RUNX2: variants seen among roughly 807,000 people sequenced by gnomAD.
The protein encoded by RUNX2 is RUNX family transcription factor 2.
A neutral mutation model predicts 51.7 loss-of-function variants in RUNX2; 10 were observed. That is an observed-to-expected ratio of 0.19 (90% CI 0.12 to 0.33). The LOEUF (loss-of-function observed/expected upper bound fraction) is 0.33. Ranked by LOEUF, RUNX2 falls within the 10% of genes least tolerant of loss-of-function variation. RUNX2 has a pLI of 1.00. For missense variants in RUNX2, 562 were observed against 691.3 expected (o/e 0.81, Z 2.10); for synonymous variants, 276 against 273.6 (o/e 1.01, Z -0.09).
chr6:45,439,824 G>T (rs145114620), intron 5 of RUNX2, among the ~76,000 whole-genome samples: 145 of 152,234 alleles, frequency 9.5e-4, no homozygotes, highest in Middle Eastern at 6.8e-3. Flanking sequence ...GAGAAGGCAG[G>T]GTAGCTTTGG....
chr6:45,342,661 CT>C (rs892540367), intron 2 of RUNX2, among the ~76,000 whole-genome samples: 8 of 150,986 alleles, frequency 5.3e-5, no homozygotes, highest in South Asian at 2.1e-4. Flanking sequence ...TTTTGGAAGC[CT>C]TTTTTTTTAT....
At chr6:45,408,963 T>C (rs1456422866) in intron 2 of RUNX2, among the ~76,000 whole-genome samples, 1 of 152,240 alleles carries the variant, frequency 6.6e-6, no homozygotes, top group East Asian at 1.9e-4. Flanking sequence ...GATATATGTT[T>C]ACTGTATGAA....
chr6:45,502,647 C>T (rs1311597574), intron 6 of RUNX2, among the ~76,000 whole-genome samples: 1 of 152,158 alleles, frequency 6.6e-6, no homozygotes, highest in Non-Finnish European at 1.5e-5. Flanking sequence ...AGCCTGAGTG[C>T]AGCCCCTGGA....
chr6:45,537,461 T>C (rs1563129531), intron 7 of RUNX2, among the ~76,000 whole-genome samples: 1 of 152,178 alleles, frequency 6.6e-6, no homozygotes, highest in Non-Finnish European at 1.5e-5. Context: ...TTTTTTGAGC[T>C]TGAGTTTGCC....
intron 5 of RUNX2, among the ~76,000 whole-genome samples, chr6:45,480,186 T>A (rs1413712847): frequency 6.6e-6 from 1 of 152,216 alleles, no homozygotes; most frequent in Non-Finnish European, 1.5e-5. Context: ...AGTGGATGGA[T>A]AGGTGGATAA....
intron 5 of RUNX2, 128 bp downstream of exon 5, chr6:45,438,179 AT>A (rs1798743899): frequency 5.2e-4 from 352 of 672,938 alleles, no homozygotes; most frequent in Non-Finnish European, 6.0e-4. Flanking sequence ...ATCTGCATAT[AT>A]TTTTTTTAGT....
chr6:45,547,315 G>T lies in RUNX2; in HGVS notation c.*10G>T. The T allele has an allele frequency of 6.2e-7, 1 of 1,606,580 alleles. No individual in the cohort carries two copies. Among genetic ancestry groups the T allele is most frequent in the Non-Finnish European group, 8.5e-7 (1 of 1,173,440 alleles). ...TTGGCGACCATATTGAAATTCCTCA[G>T]CAGTGGCCCAGTGGTATCTGGGGGC... On this transcript the variant is annotated 3_prime_UTR_variant, in exon 9 of 9. Coordinates refer to ENST00000647337, the MANE Select transcript of RUNX2 (RefSeq NM_001024630.4).
intron 4 of RUNX2, among the ~76,000 whole-genome samples, chr6:45,433,377 G>A (rs1239458205): frequency 2.0e-5 from 3 of 152,078 alleles, no homozygotes; most frequent in Non-Finnish European, 4.4e-5. Flanking sequence ...TACTTATGCA[G>A]GTCCACTATG....
chr6:45,369,539 T>C (rs1212522812), intron 2 of RUNX2, among the ~76,000 whole-genome samples: 3 of 152,110 alleles, frequency 2.0e-5, no homozygotes, highest in Non-Finnish European at 4.4e-5. Context: ...AATAAAAAGC[T>C]ATCATTTAGT....
At chr6:45,515,059 G>A (rs894840767) in intron 7 of RUNX2, among the ~76,000 whole-genome samples, 8 of 151,938 alleles carry the variant, frequency 5.3e-5, no homozygotes, top group Non-Finnish European at 1.0e-4. Flanking sequence ...AACGCGGACA[G>A]CTAAAAATAC....
intron 2 of RUNX2, among the ~76,000 whole-genome samples, chr6:45,352,607 C>T (rs1563006148): frequency 6.6e-6 from 1 of 152,054 alleles, no homozygotes. Flanking sequence ...TTTTATGCTT[C>T]TATGATTCAC....
rs540384402 is a variant in RUNX2, at chr6:45,452,407, A to G, written c.685+14356A>G. 1.2e-4 allele frequency among the ~76,000 whole-genome samples: 19 copies of G among 152,358 alleles called. No homozygotes were observed. The East Asian group carries it at 3.7e-3, about 29-fold the overall frequency. Reference sequence around the variant, plus strand: ...CAAGTCTGAGAAAGGCTGGCTGAACACACCATTCCTTTCAGCTTTGGAGCT... The same window carrying G: ...CAAGTCTGAGAAAGGCTGGCTGAACGCACCATTCCTTTCAGCTTTGGAGCT... On this transcript the variant is annotated intron_variant, in intron 5 of 8. Coordinates refer to ENST00000647337, the MANE Select transcript of RUNX2 (RefSeq NM_001024630.4).
intron 5 of RUNX2, among the ~76,000 whole-genome samples, chr6:45,469,891 G>A (rs986929682): frequency 1.3e-5 from 2 of 152,184 alleles, no homozygotes; most frequent in African/African-American, 4.8e-5. Flanking sequence ...TCAAGCATTT[G>A]TGCAGTCTTT....
chr6:45,415,022 A>C (rs1798037165), intron 2 of RUNX2, among the ~76,000 whole-genome samples: 1 of 151,996 alleles, frequency 6.6e-6, no homozygotes, highest in Non-Finnish European at 1.5e-5. Context: ...AATTAGGAAG[A>C]GATAAATCAT....
intron 5 of RUNX2, among the ~76,000 whole-genome samples, chr6:45,465,964 C>A (rs977146439): frequency 1.2e-4 from 18 of 152,048 alleles, no homozygotes; most frequent in African/African-American, 4.3e-4. Context: ...TTTTTCTATG[C>A]CTTAGTTCCA....
At chr6:45,464,543 A>G (rs1182135532) in intron 5 of RUNX2, among the ~76,000 whole-genome samples, 1 of 152,190 alleles carries the variant, frequency 6.6e-6, no homozygotes, top group Non-Finnish European at 1.5e-5. Context: ...CTTGGGTTGC[A>G]TGAGCTGCTT....
chr6:45,513,671 A>G (rs1801232309), intron 7 of RUNX2: 1 of 152,060 alleles, frequency 6.6e-6, no homozygotes, highest in Non-Finnish European at 1.5e-5. Context: ...GGGAAAGAAG[A>G]GGGGTGGAGG....
chr6:45,531,711 C>T (rs935846940), intron 7 of RUNX2, among the ~76,000 whole-genome samples: 1 of 152,022 alleles, frequency 6.6e-6, no homozygotes, highest in Non-Finnish European at 1.5e-5. Flanking sequence ...CGAGATGGCG[C>T]CACTGCACTC....
chr6:45,481,507 T>A (rs1365537308), intron 5 of RUNX2, among the ~76,000 whole-genome samples: 1 of 152,172 alleles, frequency 6.6e-6, no homozygotes, highest in South Asian at 2.1e-4. Context: ...GTTTTGGAAG[T>A]AAAGTGTAGA....
Sources: gnomAD v4.1 joint callset for allele counts (sites outside exome capture counted in the v4.1 genomes callset) on GRCh38, gnomAD v4.1.1 for gene constraint, MANE v1.5 for transcripts, NCBI Gene and HGNC (gene_info 2026-07-23, HGNC 2026-07-21) for gene names.